Variants in DGKB observed in about 807,000 individuals in gnomAD.
DGKB encodes diacylglycerol kinase beta.
A neutral mutation model predicts 114.3 loss-of-function variants in DGKB; 67 were observed. The ratio of observed to expected loss-of-function variants is 0.59; its 90% CI spans 0.48 to 0.72. The LOEUF (loss-of-function observed/expected upper bound fraction) is 0.72. DGKB is among the 30% of genes least tolerant of loss of function. DGKB has a pLI of 0.00. For synonymous variants in DGKB, 398 were observed against 323.1 expected (o/e 1.23, Z -2.49); for missense variants, 907 against 975.2 (o/e 0.93, Z 0.93).
intron 15 of DGKB, among the ~76,000 whole-genome samples, chr7:14,618,356 C>T (rs1229796307): frequency 6.6e-6 from 1 of 151,336 alleles, no homozygotes; most frequent in Non-Finnish European, 1.5e-5. Flanking sequence ...CATAAAGGTC[C>T]CCCTTTCTTT....
chr7:14,152,410 T>C (rs1782353216), intron 25 of DGKB, among the ~76,000 whole-genome samples: 1 of 152,090 alleles, frequency 6.6e-6, no homozygotes, highest in Non-Finnish European at 1.5e-5. Context: ...TAAACAGTGG[T>C]GACGGGGCTC....
chr7:14,495,265 G>A (rs1466455854), intron 20 of DGKB, among the ~76,000 whole-genome samples: 1 of 151,686 alleles, frequency 6.6e-6, no homozygotes, highest in African/African-American at 2.4e-5. Flanking sequence ...CTTTTAAAAT[G>A]CATTATTTGT....
At position 14,752,966 on chromosome 7, in the gene DGKB, A is replaced by G. The variant is rs76035456; in HGVS notation, c.168+962T>C. 8.8e-3 allele frequency among the ~76,000 whole-genome samples: 1,333 copies of G among 152,312 alleles called. 19 individuals carry two copies. The highest frequency in any genetic ancestry group is 0.03 in the African/African-American group (1,248 of 41,568). On this transcript the variant is annotated intron_variant, in intron 4 of 25. Coordinates refer to ENST00000402815, the MANE Select transcript of DGKB (RefSeq NM_001350709.2). The stretch of plus-strand genomic sequence containing the variant: ...TTCCAGAAAAGTCAGAGATGAAATC[A>G]GGAAAAGGCCATGCTCTGAAATGGA...
At chr7:14,292,557 T>C (rs1347641309) in intron 23 of DGKB, among the ~76,000 whole-genome samples, 1 of 152,206 alleles carries the variant, frequency 6.6e-6, no homozygotes, top group African/African-American at 2.4e-5. Context: ...AGGAAACTAA[T>C]TTTTATAGAA....
chr7:14,925,231 C>T (rs1366620155), intron 1 of DGKB, among the ~76,000 whole-genome samples: 1 of 152,174 alleles, frequency 6.6e-6, no homozygotes, highest in South Asian at 2.1e-4. Context: ...GCTACTGTGA[C>T]CATCAGTGAA....
intron 1 of DGKB, among the ~76,000 whole-genome samples, chr7:14,927,363 TTTTG>T (rs1316895703): frequency 1.3e-5 from 2 of 152,062 alleles, no homozygotes; most frequent in Non-Finnish European, 2.9e-5. Flanking sequence ...TATTTAACTT[TTTTG>T]TTTGTTTGCT....
At chr7:14,529,626 T>C (rs61328786) in intron 20 of DGKB, among the ~76,000 whole-genome samples, 26,517 of 151,650 alleles carry the variant, frequency 0.17, 3,725 homozygotes, top group East Asian at 0.54. Flanking sequence ...CTAAGGAATA[T>C]GAATAATTTG....
At chr7:14,365,770 G>T (rs1201782042) in intron 21 of DGKB, among the ~76,000 whole-genome samples, 2 of 151,864 alleles carry the variant, frequency 1.3e-5, no homozygotes, top group Non-Finnish European at 2.9e-5. Flanking sequence ...ATTTTCATTT[G>T]TTTTCTGTAA....
intron 23 of DGKB, among the ~76,000 whole-genome samples, chr7:14,189,258 T>C (rs1783950236): frequency 6.6e-6 from 1 of 152,076 alleles, no homozygotes; most frequent in African/African-American, 2.4e-5. Flanking sequence ...GTAAATTAAG[T>C]GAACAAAAGT....
Position 14,662,098 on chromosome 7 carries a change from T to C in DGKB, c.1134+10831A>G, listed in dbSNP as rs971833448. ...GAGGGATATCAATGGGAGATATACCTAATGCTAGATGACGAGTTAGTGGGT... is the reference window on the plus strand; with the variant it reads ...GAGGGATATCAATGGGAGATATACCCAATGCTAGATGACGAGTTAGTGGGT... On this transcript the variant is annotated intron_variant, in intron 13 of 25. Transcript: ENST00000402815. Among the ~76,000 whole-genome samples, 8 of 151,988 alleles carry C rather than the reference T, an allele frequency of 5.3e-5. 1 individual carries two copies. The highest frequency in any genetic ancestry group is 1.9e-4 in the African/African-American group (8 of 41,384).
intron 8 of DGKB, among the ~76,000 whole-genome samples, chr7:14,695,490 C>CTTTT (rs1823663284): frequency 5.6e-4 from 46 of 81,680 alleles, no homozygotes; most frequent in Admixed American, 9.2e-4. Context: ...CTCTCTCTCT[C>CTTTT]TCTCTTTTTT....
intron 23 of DGKB, among the ~76,000 whole-genome samples, chr7:14,179,707 C>G (rs1279867894): frequency 6.6e-6 from 1 of 152,058 alleles, no homozygotes; most frequent in African/African-American, 2.4e-5. Context: ...AATAAAAGCA[C>G]TTTAAAAAGA....
chr7:14,434,469 G>T (rs975817479), intron 21 of DGKB, among the ~76,000 whole-genome samples: 1 of 152,088 alleles, frequency 6.6e-6, no homozygotes, highest in African/African-American at 2.4e-5. Context: ...TTAGAGTTAT[G>T]CAATGTGAGA....
At chr7:14,780,687 T>C (rs1267575548) in intron 2 of DGKB, among the ~76,000 whole-genome samples, 2 of 152,172 alleles carry the variant, frequency 1.3e-5, no homozygotes, top group Admixed American at 6.5e-5. Flanking sequence ...GTGCTTACTA[T>C]ATGAACACTA....
At chr7:14,382,796 A>T (rs914369648) in intron 21 of DGKB, among the ~76,000 whole-genome samples, 6 of 152,208 alleles carry the variant, frequency 3.9e-5, no homozygotes, top group Admixed American at 3.9e-4. Context: ...TGTGGCTAGG[A>T]CAATATCTCT....
chr7:14,647,936 C>T (rs1254691225), intron 13 of DGKB, among the ~76,000 whole-genome samples: 6 of 152,220 alleles, frequency 3.9e-5, no homozygotes, highest in South Asian at 2.1e-4. Context: ...GCTTTTCTGA[C>T]GGGCTTAAAA....
At chr7:14,646,579 C>G (rs1813063916) in intron 13 of DGKB, among the ~76,000 whole-genome samples, 1 of 152,136 alleles carries the variant, frequency 6.6e-6, no homozygotes. Context: ...CAAGGATAGA[C>G]TGTATCTTAG....
At position 14,652,553 on chromosome 7, in the gene DGKB, GA is replaced by G. The variant is rs776146081; in HGVS notation, c.1134+20375del. The stretch of plus-strand genomic sequence containing the variant: ...ACCTAAAACCATAAAAACCCTAGAA[GA>G]AAACCTAGGCTTTACCATTCGGGAC... On this transcript the variant is annotated intron_variant, in intron 13 of 25. Coordinates refer to ENST00000402815, the MANE Select transcript of DGKB (RefSeq NM_001350709.2). Among the ~76,000 whole-genome samples the G allele has an allele frequency of 2.1e-3, 315 of 152,016 alleles. 2 individuals carry two copies. The highest frequency in any genetic ancestry group is 2.0e-3 in the Non-Finnish European group (137 of 67,966).
chr7:14,621,855 G>C (rs1807717838), intron 14 of DGKB, among the ~76,000 whole-genome samples: 1 of 152,162 alleles, frequency 6.6e-6, no homozygotes, highest in African/African-American at 2.4e-5. Context: ...GTGGTATTGA[G>C]TACTAAGAAA....
Sources: allele counts gnomAD v4.1 joint callset (sites outside exome capture counted in the v4.1 genomes callset), GRCh38; gene constraint gnomAD v4.1.1; transcripts MANE v1.5; gene names NCBI Gene and HGNC (gene_info 2026-07-23, HGNC 2026-07-21).